UST: variants seen among roughly 807,000 people sequenced by gnomAD.
The protein encoded by UST is uronyl 2-sulfotransferase, also known as chondroitin sulfate 2-O-sulfotransferase.
A neutral mutation model predicts 45.6 loss-of-function variants in UST; 21 were observed. That is an observed-to-expected ratio of 0.46 (90% confidence interval 0.33 to 0.66). UST has a LOEUF of 0.66. Among genes scored for constraint, UST ranks in the 30% least tolerant of loss-of-function variants. UST has a pLI of 0.02. For synonymous variants in UST, 215 were observed against 200.6 expected, an observed-to-expected ratio of 1.07 and a Z score of -0.61; for missense variants, 463 against 512.4, an observed-to-expected ratio of 0.90 and a Z score of 0.93.
chr6:149,012,002 TCAGAA>T (rs1302449515), intron 5 of UST, among the ~76,000 whole-genome samples: 3 of 152,196 alleles, frequency 2.0e-5, no homozygotes, highest in Non-Finnish European at 4.4e-5. Flanking sequence ...AGCCATAAAC[TCAGAA>T]GTAGTGTAAA....
chr6:148,859,644 T>G (rs527710490), intron 1 of UST, among the ~76,000 whole-genome samples: 158 of 152,362 alleles, frequency 1.0e-3, no homozygotes, highest in African/African-American at 3.6e-3. Context: ...ATTTAAGTCT[T>G]TAATCCATCT....
At chr6:149,057,911 A>G (rs1430576321) in intron 7 of UST, among the ~76,000 whole-genome samples, 1 of 152,240 alleles carries the variant, frequency 6.6e-6, no homozygotes, top group Non-Finnish European at 1.5e-5. Flanking sequence ...TAAGTTTCCT[A>G]AAAACTTTAC....
chr6:149,001,959 C>G (rs556740708), intron 5 of UST, among the ~76,000 whole-genome samples: 1 of 152,098 alleles, frequency 6.6e-6, no homozygotes, highest in African/African-American at 2.4e-5. Flanking sequence ...AAAATTTAAT[C>G]AAGTTTGAAT....
At chr6:148,911,509 C>A (rs537409232) in intron 2 of UST, among the ~76,000 whole-genome samples, 10 of 152,292 alleles carry the variant, frequency 6.6e-5, no homozygotes, top group African/African-American at 2.2e-4. Flanking sequence ...CTAGCTCTTA[C>A]CTTATTCTTA....
At chr6:148,786,873 T>A (rs1776744010) in intron 1 of UST, among the ~76,000 whole-genome samples, 2 of 152,180 alleles carry the variant, frequency 1.3e-5, no homozygotes. Context: ...TTCACTAGCA[T>A]CTGTTATTTT....
intron 1 of UST, among the ~76,000 whole-genome samples, chr6:148,884,906 G>A (rs1778886489): frequency 6.6e-6 from 1 of 152,166 alleles, no homozygotes; most frequent in African/African-American, 2.4e-5. Flanking sequence ...ATGACTCTTG[G>A]GCTTTGGCCT....
intron 2 of UST, among the ~76,000 whole-genome samples, chr6:148,922,129 G>T (rs1209895745): frequency 6.6e-6 from 1 of 152,160 alleles, no homozygotes; most frequent in Non-Finnish European, 1.5e-5. Flanking sequence ...CCCTTTTAAA[G>T]TGTACAATTC....
At chr6:148,792,302 G>A (rs554616291) in intron 1 of UST, among the ~76,000 whole-genome samples, 2 of 152,274 alleles carry the variant, frequency 1.3e-5, no homozygotes, top group Admixed American at 6.5e-5. Flanking sequence ...TTTCATACTT[G>A]ACCAAAAAGC....
chr6:148,997,210 A>C (rs566097933), intron 5 of UST, among the ~76,000 whole-genome samples: 3 of 152,376 alleles, frequency 2.0e-5, no homozygotes, highest in East Asian at 3.9e-4. Context: ...GAAAGCTGTG[A>C]GAGAAATCTC....
intron 5 of UST, among the ~76,000 whole-genome samples, chr6:148,988,140 T>C (rs537551180): frequency 1.8e-4 from 28 of 152,088 alleles, no homozygotes; most frequent in African/African-American, 6.7e-4. Flanking sequence ...TTGAAATAGC[T>C]TGATACAGAG....
intron 2 of UST, among the ~76,000 whole-genome samples, chr6:148,909,666 A>G (rs1163067013): frequency 6.6e-6 from 1 of 152,192 alleles, no homozygotes; most frequent in Admixed American, 6.5e-5. Context: ...AGCAGCAAGG[A>G]TGTGTGCTGG....
chr6:148,808,157 C>T (rs574630329), intron 1 of UST, among the ~76,000 whole-genome samples: 2 of 152,194 alleles, frequency 1.3e-5, no homozygotes, highest in African/African-American at 4.8e-5. Flanking sequence ...AAGAGACATT[C>T]GTGGTGGAAT....
At chr6:148,872,094 C>T (rs1442851570) in intron 1 of UST, among the ~76,000 whole-genome samples, 1 of 152,130 alleles carries the variant, frequency 6.6e-6, no homozygotes, top group Non-Finnish European at 1.5e-5. Context: ...AATGTACTGA[C>T]TCGTAACAAA....
intron 2 of UST, among the ~76,000 whole-genome samples, chr6:148,909,789 C>T (rs1206780044): frequency 6.6e-6 from 1 of 152,150 alleles, no homozygotes; most frequent in African/African-American, 2.4e-5. Flanking sequence ...TGCTAGGTAG[C>T]AATTCCTCAA....
intron 5 of UST, among the ~76,000 whole-genome samples, chr6:148,987,898 T>C (rs1288006080): frequency 1.3e-5 from 2 of 152,124 alleles, no homozygotes; most frequent in Non-Finnish European, 2.9e-5. Flanking sequence ...GCATCTACTT[T>C]ATGCCAAGCT....
At chr6:149,013,835 G>A (rs1322152421) in intron 5 of UST, among the ~76,000 whole-genome samples, 1 of 152,208 alleles carries the variant, frequency 6.6e-6, no homozygotes, top group Non-Finnish European at 1.5e-5. Flanking sequence ...ATGGAGCTGT[G>A]TAAAAACACC....
intron 7 of UST, among the ~76,000 whole-genome samples, chr6:149,042,706 A>G (rs1317535008): frequency 1.3e-5 from 2 of 152,206 alleles, no homozygotes; most frequent in East Asian, 3.8e-4. Context: ...TTCCTACAAC[A>G]CTAAGTGTGG....
chr6:148,952,698 A>G (rs1476836619), intron 3 of UST, among the ~76,000 whole-genome samples: 1 of 152,212 alleles, frequency 6.6e-6, no homozygotes, highest in East Asian at 1.9e-4. Flanking sequence ...TCTTGTTGCT[A>G]CTGCGGTTCA....
chr6:148,876,753 G>C (rs1018809654), intron 1 of UST, among the ~76,000 whole-genome samples: 3 of 151,718 alleles, frequency 2.0e-5, no homozygotes, highest in African/African-American at 7.3e-5. Context: ...TTCTTTATTC[G>C]TTTTGTTGTT....
Sources: allele counts gnomAD v4.1 joint callset (sites outside exome capture counted in the v4.1 genomes callset), GRCh38; gene constraint gnomAD v4.1.1; transcripts MANE v1.5; gene names NCBI Gene and HGNC (gene_info 2026-07-23, HGNC 2026-07-21).